Variants in RP1L1 observed in about 807,000 individuals in gnomAD.
The protein encoded by RP1L1 is RP1 like 1, also known as retinitis pigmentosa 1-like 1 protein.
In RP1L1, 27 loss-of-function variants were observed where a neutral mutation model predicts 15.7. The ratio of observed to expected loss-of-function variants is 1.72; its 90% CI spans 1.27 to 2.38. RP1L1 has a LOEUF of 2.38. Among genes scored for constraint, RP1L1 ranks in the 30% most tolerant of loss-of-function variants. The probability of loss-of-function intolerance (pLI) is 0.00; values close to 1 mark genes in which losing one functional copy is unlikely to be tolerated. For synonymous variants in RP1L1, 1,813 were observed against 1,276.7 expected, an observed-to-expected ratio of 1.42 and a Z score of -8.96; for missense variants, 4,798 against 3,075.9, an observed-to-expected ratio of 1.56 and a Z score of -13.24.
chr8:10,627,178 T>C (rs1025054491), intron 1 of RP1L1, among the ~76,000 whole-genome samples: 4 of 152,278 alleles, frequency 2.6e-5, no homozygotes, highest in African/African-American at 7.2e-5. Flanking sequence ...GGGATACGTG[T>C]ACACCCACGT....
In RP1L1 at chr8:10,610,302, C is replaced by G; in HGVS notation, c.3796G>C (p.Ala1266Pro). 1 of 1,614,206 alleles carries G rather than the reference C, an allele frequency of 6.2e-7. No homozygotes were observed. Among genetic ancestry groups the G allele is most frequent in the African/African-American group, 1.3e-5 (1 of 75,056 alleles). ...CCFPTFLNAR[A>P]CACATNEDEA... Reference sequence around the variant, plus strand: ...TCCTCATTGGTGGCACAAGCGCAGGCTCGGGCGTTCAAGAAGGTTGGGAAA... The same window carrying G: ...TCCTCATTGGTGGCACAAGCGCAGGGTCGGGCGTTCAAGAAGGTTGGGAAA... The change falls in exon 4 of 4, where the codon GCC becomes CCC. Residue 1266 changes from alanine (A) to proline (P), a missense_variant. Transcript: ENST00000382483.
rs202081611 is a variant in RP1L1, at chr8:10,623,012, G to C, written c.190C>G (p.Leu64Val). Residue 64 changes from leucine (L) to valine (V), a missense_variant, in exon 2 of 4, where the codon CTC (leucine) becomes GTC (valine). By Grantham distance (32) the Leu-to-Val change is conservative. Transcript: ENST00000382483. ...ACGCGCTGGGAGAGCTCGTCCATGA[G>C]GGCGCTGAAGGTCTTAAAGGCGCGC... ...HQRAFKTFSA[L>V]MDELSQRVPL... The C allele has an allele frequency of 1.2e-6, 2 of 1,614,170 alleles. No homozygotes were observed. The highest frequency in any genetic ancestry group is 8.5e-7 in the Non-Finnish European group (1 of 1,180,038).
At chr8:10,652,236 G>T (rs1257173637) in intron 1 of RP1L1, among the ~76,000 whole-genome samples, 1 of 152,164 alleles carries the variant, frequency 6.6e-6, no homozygotes, top group Non-Finnish European at 1.5e-5. Context: ...GCCCTTCAGG[G>T]TTGAAGGAAA....
At chr8:10,634,076 C>T (rs1411231017) in intron 1 of RP1L1, among the ~76,000 whole-genome samples, 2 of 152,136 alleles carry the variant, frequency 1.3e-5, no homozygotes, top group Non-Finnish European at 1.5e-5. Context: ...AGATAGAGCT[C>T]AGAGGACCAG....
At chr8:10,628,668 T>G (rs1019535149) in intron 1 of RP1L1, among the ~76,000 whole-genome samples, 5 of 152,252 alleles carry the variant, frequency 3.3e-5, no homozygotes, top group Admixed American at 6.5e-5. Context: ...TAGACTTTCT[T>G]GTCCAAACTG....
rs1797718814 is a variant in RP1L1, at chr8:10,607,219, G to A, written c.6879C>T (p.Gly2293=). ...PGGDTPHQRP[G]SQTGPSSSRA... ...TGGAGGAGGAAGGGCCTGTTTGGGA[G>A]CCTGGCCTTTGGTGGGGAGTGTCTC... Residue 2293 remains glycine (G), a synonymous_variant, in exon 4 of 4, where the codon GGC becomes GGT. Transcript: ENST00000382483. The A allele has an allele frequency of 6.2e-7, 1 of 1,614,180 alleles. No individual in the cohort carries two copies. The highest frequency in any genetic ancestry group is 8.5e-7 in the Non-Finnish European group (1 of 1,179,994).
At chr8:10,638,235 C>T (rs12056565) in intron 1 of RP1L1, among the ~76,000 whole-genome samples, 1 of 152,176 alleles carries the variant, frequency 6.6e-6, no homozygotes, top group Non-Finnish European at 1.5e-5. Flanking sequence ...TACATTCAAA[C>T]GTATTTCCAT....
At chr8:10,628,934 T>C (rs562896108) in intron 1 of RP1L1, among the ~76,000 whole-genome samples, 23 of 152,360 alleles carry the variant, frequency 1.5e-4, no homozygotes, top group South Asian at 8.3e-4. Flanking sequence ...GGCCTGGATT[T>C]GCAGGGCTTA....
rs1272196648 is a variant in RP1L1 at position 10,607,169 on chromosome 8, C to T, written c.6929G>A (p.Trp2310Ter). 1 of 1,614,214 alleles carries T rather than the reference C, an allele frequency of 6.2e-7. No homozygotes were observed. The highest frequency in any genetic ancestry group is 8.5e-7 in the Non-Finnish European group (1 of 1,180,034). Residue 2310 changes from tryptophan to a stop codon, truncating the protein, a stop_gained, in exon 4 of 4, where the codon TGG becomes TAG. Coordinates refer to ENST00000382483, the MANE Select transcript of RP1L1 (RefSeq NM_178857.6). LOFTEE classifies it low-confidence loss of function (END_TRUNC). ...ATGGTCATTTTCTGAGTCTTTCTGC[C>T]AGCAGTTGCCCCAAGAGGATGCTCT... ...SSRASSWGNC[W>*]QKDSENDHVL...
chr8:10,622,418 A>C (rs910299586), intron 2 of RP1L1, among the ~76,000 whole-genome samples, 175 bp downstream of exon 2: 8 of 151,764 alleles, frequency 5.3e-5, no homozygotes, highest in African/African-American at 1.9e-4. Flanking sequence ...AACATGAATC[A>C]CAGCTGCTTG....
chr8:10,630,987 G>T (rs1585988724), intron 1 of RP1L1, among the ~76,000 whole-genome samples: 1 of 152,200 alleles, frequency 6.6e-6, no homozygotes, highest in African/African-American at 2.4e-5. Context: ...TGCAGGTAGA[G>T]TCTTGCTCGA....
Position 10,610,536 on chromosome 8 carries a change from C to G in RP1L1, c.3562G>C (p.Ala1188Pro), listed in dbSNP as rs375311151. ...GTGGGCGTGAAGTTCTCCGTCATGG[C>G]ATGGGACCCAAGGTCTGGCAGAGCC... ...SQALPDLGSHAMTENFTPTSS... is the reference protein window; with the variant it reads ...SQALPDLGSHPMTENFTPTSS... The change falls in exon 4 of 4, where the codon GCC becomes CCC. Residue 1188 changes from alanine to proline, a missense_variant. By Grantham distance (27) the Ala-to-Pro change is conservative. Transcript: ENST00000382483. 5 of 1,613,622 alleles carry G rather than the reference C, an allele frequency of 3.1e-6. No homozygotes were observed. The African/African-American group carries it at 6.7e-5, about 22-fold the overall frequency.
chr8:10,623,538 T>A (rs1482696179), intron 1 of RP1L1, among the ~76,000 whole-genome samples: 8 of 151,632 alleles, frequency 5.3e-5, no homozygotes, highest in Admixed American at 4.6e-4. Context: ...GACCACAATG[T>A]CCCCAGCACA....
rs776483849 is a variant in RP1L1 at position 10,609,828 on chromosome 8, C to A, written c.4270G>T (p.Asp1424Tyr). Reference sequence around the variant, plus strand: ...GCTTCCTCCTCCTGGACTGGGTCATCTTCCTGGGAGCCTTTCCCATCCGGA... The same window carrying A: ...GCTTCCTCCTCCTGGACTGGGTCATATTCCTGGGAGCCTTTCCCATCCGGA... ...SSPDGKGSQEDDPVQEEEAGR... is the reference protein window; with the variant it reads ...SSPDGKGSQEYDPVQEEEAGR... The change falls in exon 4 of 4, where the codon GAT becomes TAT. Residue 1424 changes from aspartate (D) to tyrosine (Y), a missense_variant. By Grantham distance (160) the Asp-to-Tyr change is radical. Transcript: ENST00000382483. The A allele has an allele frequency of 1.2e-6, 2 of 1,614,134 alleles. No individual in the cohort carries two copies. Among genetic ancestry groups the A allele is most frequent in the Non-Finnish European group, 1.7e-6 (2 of 1,180,026 alleles).
At chr8:10,646,087 G>C (rs963398725) in intron 1 of RP1L1, among the ~76,000 whole-genome samples, 21 of 152,196 alleles carry the variant, frequency 1.4e-4, no homozygotes, top group Non-Finnish European at 2.1e-4. Context: ...TCTAAGCTGG[G>C]GGGACAGGCA....
chr8:10,612,770 G>T lies in RP1L1; in HGVS notation c.1328C>A (p.Ala443Asp). 6.2e-7 allele frequency: 1 copy of T among 1,609,350 alleles called. No homozygotes were observed. Residue 443 changes from alanine (A) to aspartate (D), a missense_variant, in exon 4 of 4, where the codon GCC becomes GAC. By Grantham distance (126) the Ala-to-Asp change is moderately radical (BLOSUM62 -2). Transcript: ENST00000382483. The stretch of plus-strand genomic sequence containing the variant: ...GTCCTGGCTGCATCTCTCCCTCCCG[G>T]CAGTCCCGTGGCCCCACAGGCCACT... The part of the protein sequence containing the change: ...RCSGLWGHGT[A>D]GRERCSQDSA...
At chr8:10,652,503 C>A (rs997165165) in intron 1 of RP1L1, among the ~76,000 whole-genome samples, 3 of 152,172 alleles carry the variant, frequency 2.0e-5, no homozygotes, top group African/African-American at 7.2e-5. Context: ...TGGGTATAAC[C>A]AGCCCCGCAG....
Position 10,606,449 on chromosome 8 carries a change from G to A in RP1L1, c.*446C>T. ...AAATATATTCAAGACTAGAAAAAAA[G>A]CACCTCAAAGTCAAATGAGGTGAGT... On this transcript the variant is annotated 3_prime_UTR_variant, in exon 4 of 4. Transcript: ENST00000382483. 5.9e-6 allele frequency: 1 copy of A among 169,698 alleles called. No homozygotes were observed. The highest frequency in any genetic ancestry group is 1.3e-5 in the Non-Finnish European group (1 of 78,540). 10.5% of individuals were successfully genotyped at this position (169,698 alleles called of 1,614,324 possible).
chr8:10,622,845 T>C lies in RP1L1; in HGVS notation c.357A>G (p.Pro119=). 1.2e-6 allele frequency: 2 copies of C among 1,612,970 alleles called. No individual in the cohort carries two copies. Among genetic ancestry groups the C allele is most frequent in the Non-Finnish European group, 1.7e-6 (2 of 1,179,232 alleles). ...PPKTPSGPGR[P]QERNPTAQQL... ...GCTGAGCAGTGGGGTTTCTCTCCTG[T>C]GGCCGGCCTGGTCCACTGGGGGTCT... Residue 119 remains proline, a synonymous_variant, in exon 2 of 4, where the codon CCA becomes CCG. Transcript: ENST00000382483.
Sources: gnomAD v4.1 joint callset for allele counts (sites outside exome capture counted in the v4.1 genomes callset) on GRCh38, gnomAD v4.1.1 for gene constraint, MANE v1.5 for transcripts, NCBI Gene and HGNC (gene_info 2026-07-23, HGNC 2026-07-21) for gene names.